Variants in THBS3 observed in about 807,000 individuals in gnomAD.
THBS3 encodes thrombospondin 3, also known as thrombospondin-3.
In THBS3, 78 loss-of-function variants were observed where a neutral mutation model predicts 118.3. That is an observed-to-expected ratio of 0.66 (90% CI 0.55 to 0.80). THBS3 has a LOEUF of 0.80. THBS3 is among the 30% of genes least tolerant of loss of function. THBS3 has a pLI of 0.00. For synonymous variants in THBS3, 427 were observed against 475.3 expected (o/e 0.90, Z 1.32); for missense variants, 1,057 against 1,247.4 (o/e 0.85, Z 2.30).
Position 155,197,814 on chromosome 1 carries a change from C to T in THBS3, c.2302+66G>A. ...GCCCATTCTCCCTGTCTGTTTCCTCCCCTACCCTCTGCCCCTATAGGATTC... is the reference window on the plus strand; with the variant it reads ...GCCCATTCTCCCTGTCTGTTTCCTCTCCTACCCTCTGCCCCTATAGGATTC... On this transcript the variant is annotated intron_variant, in intron 19 of 22. Transcript: ENST00000368378. This position sits in a 1 kb window ranked among gnomAD's most constrained non-coding sequence, Gnocchi z 5.0. The T allele has an allele frequency of 6.2e-7, 1 of 1,610,282 alleles. No individual in the cohort carries two copies. Among genetic ancestry groups the T allele is most frequent in the Non-Finnish European group, 8.5e-7 (1 of 1,176,888 alleles).
Position 155,198,574 on chromosome 1 carries a change from C to G in THBS3, c.1909G>C (p.Asp637His), listed in dbSNP as rs1309328523. 1 of 1,614,142 alleles carries G rather than the reference C, an allele frequency of 6.2e-7. No homozygotes were observed. The highest frequency in any genetic ancestry group is 1.1e-5 in the South Asian group (1 of 91,080). ...CTATTTGGCAGCTGTGGGCAGTTGTCCTTGGTGTCCTGATGCCCATCCCCA... is the reference window on the plus strand; with the variant it reads ...CTATTTGGCAGCTGTGGGCAGTTGTGCTTGGTGTCCTGATGCCCATCCCCA... ...SDGDGHQDTK[D>H]NCPQLPNSSQ... is the part of the protein sequence containing the mutation. Residue 637 changes from aspartate to histidine, a missense_variant, in exon 17 of 23, where the codon GAC becomes CAC. This residue lies in a region of THBS3 where 544 missense variants were observed against 715.6 expected (regional missense o/e 0.76). Coordinates refer to ENST00000368378, the MANE Select transcript of THBS3 (RefSeq NM_007112.5).
In THBS3 at chr1:155,202,023, G is replaced by A. The variant is rs769815671; in HGVS notation, c.1110C>T (p.Asp370=). ...YARASKQVCN[D]IDECNDGNNG... is the part of the protein sequence containing the mutation. ...TGTTGCCATCGTTGCATTCATCGATGTCATTGCAGACCTGAAGGGGCAGAC... is the reference window on the plus strand; with the variant it reads ...TGTTGCCATCGTTGCATTCATCGATATCATTGCAGACCTGAAGGGGCAGAC... Residue 370 remains aspartate, a synonymous_variant, in exon 10 of 23, where the codon GAC becomes GAT. Transcript: ENST00000368378. This position sits in a 1 kb window ranked among gnomAD's most constrained non-coding sequence, Gnocchi z 5.5. 9 of 1,614,042 alleles carry A rather than the reference G, an allele frequency of 5.6e-6. No homozygotes were observed. The South Asian group carries it at 9.9e-5, about 18-fold the overall frequency.
At position 155,198,558 on chromosome 1, in the gene THBS3, A is replaced by C; in HGVS notation, c.1925T>G (p.Leu642Arg). Residue 642 changes from leucine (L) to arginine (R), a missense_variant, in exon 17 of 23, where the codon CTG (leucine) becomes CGG (arginine). Physicochemically the swap from Leu to Arg is moderately radical, Grantham distance 102. Around this residue, in one of 3 missense-constraint regions of THBS3, gnomAD observed 544 missense variants for 715.6 expected, o/e 0.76. Transcript: ENST00000368378. ...HQDTKDNCPQ[L>R]PNSSQLDSDN... ...AGAGTCCAGCTGGGAGCTATTTGGCAGCTGTGGGCAGTTGTCCTTGGTGTC... is the reference window on the plus strand; with the variant it reads ...AGAGTCCAGCTGGGAGCTATTTGGCCGCTGTGGGCAGTTGTCCTTGGTGTC... 1 of 1,614,224 alleles carries C rather than the reference A, an allele frequency of 6.2e-7. No homozygotes were observed. The highest frequency in any genetic ancestry group is 8.5e-7 in the Non-Finnish European group (1 of 1,180,028).
At chr1:155,209,163 C>G (rs768059574), upstream of THBS3, 9 of 1,500,346 alleles carry the variant, frequency 6.0e-6, no homozygotes, top group Admixed American at 2.4e-5. Flanking sequence ...CTGACCGCAA[C>G]GATCGGAGGG....
At chr1:155,196,246 G>A in intron 21 of THBS3, 120 bp from the exon 22 acceptor site, 1 of 1,239,452 alleles carries the variant, frequency 8.1e-7, no homozygotes, top group East Asian at 2.4e-5. Flanking sequence ...GCCTGAGAGA[G>A]AAGGGAGGGA....
At chr1:155,205,876 A>C (rs1670472820) in intron 2 of THBS3, among the ~76,000 whole-genome samples, 1 of 152,190 alleles carries the variant, frequency 6.6e-6, no homozygotes, top group African/African-American at 2.4e-5. Flanking sequence ...GTGGCCACTG[A>C]CCTGTTCCAG....
Position 155,198,116 on chromosome 1 carries a change from G to T in THBS3, c.2179C>A (p.Arg727=). ...TCCAGGACGACGGTCTGATAGGCCC[G>T]AAAATCCGTAAGCGTTACCTCTGCA... The part of the protein sequence containing the change: ...ESAEVTLTDF[R]AYQTVVLDPE... The change falls in exon 18 of 23, where the codon CGG becomes AGG. Residue 727 remains arginine (R), a synonymous_variant. Transcript: ENST00000368378. 1 of 1,614,142 alleles carries T rather than the reference G, an allele frequency of 6.2e-7. No homozygotes were observed. Among genetic ancestry groups the T allele is most frequent in the Non-Finnish European group, 8.5e-7 (1 of 1,180,032 alleles).
upstream of THBS3, chr1:155,208,006 C>A: frequency 1.5e-6 from 1 of 675,052 alleles, no homozygotes. Context: ...TGAGGGGGGG[C>A]TGAAACAAAG....
In THBS3 at chr1:155,200,130, G is replaced by A. The variant is rs1283748665; in HGVS notation, c.1709-17C>T. ...TGGGGATGCCTAGAAGACATGGGTA[G>A]CACAAGGTTGTTACTAGAACATGCC... is the stretch of plus-strand genomic sequence containing the variant. On this transcript the variant is annotated splice_polypyrimidine_tract_variant and intron_variant, in intron 14 of 22. Coordinates refer to ENST00000368378, the MANE Select transcript of THBS3 (RefSeq NM_007112.5). The A allele has an allele frequency of 6.6e-7, 1 of 1,525,064 alleles. No homozygotes were observed. Among genetic ancestry groups the A allele is most frequent in the Non-Finnish European group, 8.8e-7 (1 of 1,133,264 alleles). The allele number at this position is 1,525,064 out of a possible 1,614,324, so 94.5% of individuals were successfully genotyped here. A position where few individuals can be genotyped will look rare whatever the true frequency, so the allele number is the denominator to read the frequency against.
intron 4 of THBS3, among the ~76,000 whole-genome samples, chr1:155,203,836 T>C (rs1670159740): frequency 6.7e-6 from 1 of 150,092 alleles, no homozygotes; most frequent in African/African-American, 2.5e-5. Context: ...CCCCAGTATA[T>C]CCCCATTTTT....
chr1:155,205,236 G>T lies in THBS3; in HGVS notation c.367C>A (p.His123Asn), dbSNP rs1049525255. ...QQAGLADGRT[H>N]TVLLRLRGPS... is the part of the protein sequence containing the mutation. ...CCTCGGAGTCGCAGGAGAACTGTGT[G>T]TGTGCGCCCATCAGCCAGGCCCGCT... The change falls in exon 3 of 23, where the codon CAC (histidine) becomes AAC (asparagine). Residue 123 changes from histidine to asparagine, a missense_variant. Physicochemically the swap from His to Asn is moderately conservative, Grantham distance 68. Around this residue, in one of 3 missense-constraint regions of THBS3, gnomAD observed 206 missense variants for 205.7 expected, o/e 1.00. Transcript: ENST00000368378. The T allele has an allele frequency of 5.0e-6, 8 of 1,614,050 alleles. No homozygotes were observed. The African/African-American group carries it at 9.3e-5, about 19-fold the overall frequency.
chr1:155,207,356 G>A (rs150794973), intron 1 of THBS3, among the ~76,000 whole-genome samples: 6 of 152,224 alleles, frequency 3.9e-5, no homozygotes, highest in Non-Finnish European at 7.4e-5. Context: ...CACATCCATC[G>A]GCCCATCCCA....
Position 155,197,555 on chromosome 1 carries a change from G to A in THBS3, c.2407C>T (p.Arg803Cys), listed in dbSNP as rs746772876. 28 of 1,613,888 alleles carry A rather than the reference G, an allele frequency of 1.7e-5. 1 individual carries two copies. Among genetic ancestry groups the A allele is most frequent in the East Asian group, 2.2e-5 (1 of 44,870 alleles). ...GFLFSYQDSG[R>C]FYVVMWKQTE... ...TGCTTCCACATGACTACGTAGAAGC[G>A]GCCACTGTCTTGATAACTGAAGAGA... Residue 803 changes from arginine (R) to cysteine (C), a missense_variant, in exon 20 of 23, where the codon CGC (arginine) becomes TGC (cysteine). Transcript: ENST00000368378. This position sits in a 1 kb window ranked among gnomAD's most constrained non-coding sequence, Gnocchi z 5.0.
Position 155,203,105 on chromosome 1 carries a change from A to G in THBS3, c.789T>C (p.Ile263=), listed in dbSNP as rs1348242296. The stretch of plus-strand genomic sequence containing the variant: ...ACTCACCGCACACCTGACACTCCAT[A>G]ATGGTGTTTCGGATCAGGGACATTT... The part of the protein sequence containing the change: ...VKEMSLIRNT[I]MECQVCGFHE... Residue 263 remains isoleucine, a synonymous_variant, in exon 7 of 23, where the codon ATT becomes ATC. Transcript: ENST00000368378. 1.9e-6 allele frequency: 3 copies of G among 1,614,012 alleles called. No homozygotes were observed. The Admixed American group carries it at 5.0e-5, about 27-fold the overall frequency.
chr1:155,203,520 G>A lies in THBS3; in HGVS notation c.666C>T (p.Ser222=). ...IHSAVTNALH[S]ILGEQTKALV... ...TCAGTGTGGCCTACTCACCTAGAAT[G>A]GAGTGCAGTGCATTGGTCACTGGAG... Residue 222 remains serine (S), a synonymous_variant, in exon 5 of 23, where the codon TCC becomes TCT. Transcript: ENST00000368378. 6.2e-7 allele frequency: 1 copy of A among 1,613,766 alleles called. No homozygotes were observed. The highest frequency in any genetic ancestry group is 8.5e-7 in the Non-Finnish European group (1 of 1,179,958).
At chr1:155,207,952 C>CG (rs1047929128), upstream of THBS3, 84 of 1,376,218 alleles carry the variant, frequency 6.1e-5, no homozygotes, top group South Asian at 6.1e-4. Context: ...GAGCAGGAGC[C>CG]GGGGGGCGGA....
intron 4 of THBS3, among the ~76,000 whole-genome samples, chr1:155,204,612 G>A (rs1670281607): frequency 6.6e-6 from 1 of 151,742 alleles, no homozygotes; most frequent in Non-Finnish European, 1.5e-5. Context: ...CTCGAGACCA[G>A]TATCTCTTGG....
In THBS3 at chr1:155,205,237, T is replaced by C. The variant is rs1332107900; in HGVS notation, c.366A>G (p.Thr122=). The change falls in exon 3 of 23, where the codon ACA becomes ACG. Residue 122 remains threonine (T), a synonymous_variant. Coordinates refer to ENST00000368378, the MANE Select transcript of THBS3 (RefSeq NM_007112.5). ...CTCGGAGTCGCAGGAGAACTGTGTGTGTGCGCCCATCAGCCAGGCCCGCTT... is the reference window on the plus strand; with the variant it reads ...CTCGGAGTCGCAGGAGAACTGTGTGCGTGCGCCCATCAGCCAGGCCCGCTT... The part of the protein sequence containing the change: ...LQQAGLADGR[T]HTVLLRLRGP... 2 of 1,614,158 alleles carry C rather than the reference T, an allele frequency of 1.2e-6. No individual in the cohort carries two copies. Among genetic ancestry groups the C allele is most frequent in the East Asian group, 2.2e-5 (1 of 44,886 alleles).
rs1669708321 is a variant in THBS3, at chr1:155,201,426, C to T, written c.1320G>A (p.Val440=). ...AHCLFERNGA[V]SCQCNVGWAG... is the part of the protein sequence containing the mutation. ...CTGAAGCCTAGCTCACCTGGCAGGACACTGCACCATTGCGTTCAAAGAGAC... is the reference window on the plus strand; with the variant it reads ...CTGAAGCCTAGCTCACCTGGCAGGATACTGCACCATTGCGTTCAAAGAGAC... The change falls in exon 11 of 23, where the codon GTG becomes GTA. Residue 440 remains valine (V), a synonymous_variant. Coordinates refer to ENST00000368378, the MANE Select transcript of THBS3 (RefSeq NM_007112.5). The T allele has an allele frequency of 1.2e-6, 2 of 1,605,940 alleles. No individual in the cohort carries two copies. Among genetic ancestry groups the T allele is most frequent in the Non-Finnish European group, 8.5e-7 (1 of 1,175,590 alleles).
Sources: gnomAD v4.1 joint callset for allele counts (sites outside exome capture counted in the v4.1 genomes callset) on GRCh38, gnomAD v4.1.1 for gene constraint, gnomAD v4.1.1 regional missense constraint, Gnocchi (gnomAD v3.1) non-coding constraint, MANE v1.5 for transcripts, NCBI Gene and HGNC (gene_info 2026-07-23, HGNC 2026-07-21) for gene names.